Variants in METTL15 observed in about 807,000 individuals in gnomAD.
METTL15 encodes the protein methyltransferase 15, mitochondrial 12S rRNA N4-cytidine.
Under a neutral mutation model 38.3 loss-of-function variants are expected in METTL15, and 34 were observed. The observed-to-expected ratio is 0.89, with a 90% confidence interval of 0.68 to 1.18. The LOEUF is 1.18. Ranked by LOEUF, METTL15 falls within the 50% of genes most tolerant of loss-of-function variation. The pLI is 0.00. For missense variants in METTL15, 438 were observed against 498.4 expected, an observed-to-expected ratio of 0.88 and a Z score of 1.15; for synonymous variants, 162 against 170.9, an observed-to-expected ratio of 0.95 and a Z score of 0.41.
At chr11:28,210,386 G>T (rs1227867859) in intron 3 of METTL15, among the ~76,000 whole-genome samples, 1 of 151,584 alleles carries the variant, frequency 6.6e-6, no homozygotes, top group Non-Finnish European at 1.5e-5. Context: ...TTTAACCGCT[G>T]AAGACACTGG....
At chr11:28,212,110 T>A (rs1852666377) in intron 4 of METTL15, among the ~76,000 whole-genome samples, 1 of 152,084 alleles carries the variant, frequency 6.6e-6, no homozygotes, top group African/African-American at 2.4e-5. Context: ...GAATAGGAAG[T>A]GTAATTCGTC....
At chr11:28,374,973 G>A (rs1013739975) in intron 5 of METTL15, among the ~76,000 whole-genome samples, 2 of 151,628 alleles carry the variant, frequency 1.3e-5, no homozygotes, top group African/African-American at 2.4e-5. Flanking sequence ...TACATTTATT[G>A]ATTTGCATAT....
rs1018234510 is a variant in METTL15, at chr11:28,513,873, A to C, written c.*425-12605A>C. 2.0e-5 allele frequency among the ~76,000 whole-genome samples: 3 copies of C among 152,228 alleles called. No homozygotes were observed. In the East Asian group the frequency reaches 5.8e-4, roughly 29 times the overall value. On this transcript the variant is annotated intron_variant and NMD_transcript_variant, in intron 6 of 7. Transcript: ENST00000532947. ...GGCGGGCCAGGTGTTCTTTGCCCTC[A>C]TTCCGGTAAACCCACAACCTTCTAG...
intron 4 of METTL15, 70 bp from the exon 5 acceptor site, chr11:28,290,136 T>C (rs1297795301): frequency 1.5e-6 from 2 of 1,309,096 alleles, no homozygotes; most frequent in East Asian, 5.0e-5. Context: ...CTCCCTTCCA[T>C]TGATCATAGA....
chr11:28,351,833 G>A (rs1850044186), intron 3 of METTL15, among the ~76,000 whole-genome samples: 1 of 152,198 alleles, frequency 6.6e-6, no homozygotes, highest in Admixed American at 6.5e-5. Flanking sequence ...CTAGGAAGGC[G>A]TTAAAGCCAA....
chr11:28,131,447 G>A (rs1849332248), intron 3 of METTL15, among the ~76,000 whole-genome samples: 1 of 149,784 alleles, frequency 6.7e-6, no homozygotes, highest in Admixed American at 6.6e-5. Context: ...TGTAATTTCA[G>A]CATACTTTCT....
intron 5 of METTL15, among the ~76,000 whole-genome samples, chr11:28,422,711 A>C (rs952374885): frequency 6.6e-6 from 1 of 152,058 alleles, no homozygotes; most frequent in Non-Finnish European, 1.5e-5. Context: ...GGGATTAAAA[A>C]CTTAAATCTA....
chr11:28,476,089 G>T (rs942272662), intron 6 of METTL15, among the ~76,000 whole-genome samples: 18 of 152,164 alleles, frequency 1.2e-4, no homozygotes, highest in Non-Finnish European at 2.9e-5. Context: ...AGTAGACAAA[G>T]AACAGAAAAT....
At chr11:28,372,939 G>C (rs1490091177) in intron 5 of METTL15, among the ~76,000 whole-genome samples, 1 of 150,864 alleles carries the variant, frequency 6.6e-6, no homozygotes, top group African/African-American at 2.4e-5. Context: ...TCCCTACAAA[G>C]GACATGAACT....
At chr11:28,466,866 A>G (rs1156377286) in intron 6 of METTL15, among the ~76,000 whole-genome samples, 1 of 152,212 alleles carries the variant, frequency 6.6e-6, no homozygotes, top group Non-Finnish European at 1.5e-5. Context: ...TTGTCTGGGC[A>G]ACACATGTAG....
At chr11:28,126,260 C>G (rs1852481511) in intron 3 of METTL15, among the ~76,000 whole-genome samples, 2 of 151,904 alleles carry the variant, frequency 1.3e-5, no homozygotes, top group South Asian at 4.2e-4. Flanking sequence ...TGTTTGGTAT[C>G]CTCCTTCCTT....
intron 3 of METTL15, among the ~76,000 whole-genome samples, chr11:28,189,946 G>A (rs1455501322): frequency 6.6e-6 from 1 of 151,200 alleles, no homozygotes; most frequent in African/African-American, 2.4e-5. Context: ...TATTTGCAAT[G>A]CTATTGATTT....
At chr11:28,208,265 C>G (rs977756260) in intron 3 of METTL15, among the ~76,000 whole-genome samples, 1 of 152,126 alleles carries the variant, frequency 6.6e-6, no homozygotes, top group African/African-American at 2.4e-5. Flanking sequence ...AAATTTCCCT[C>G]TATACTCTGC....
At chr11:28,209,961 A>G (rs1852555085) in intron 3 of METTL15, among the ~76,000 whole-genome samples, 2 of 152,132 alleles carry the variant, frequency 1.3e-5, no homozygotes. Flanking sequence ...TATTTTCATA[A>G]CACCAATGAA....
At chr11:28,250,815 A>G in intron 4 of METTL15, among the ~76,000 whole-genome samples, 1 of 152,050 alleles carries the variant, frequency 6.6e-6, no homozygotes, top group East Asian at 1.9e-4. Context: ...CTTGTCAGTA[A>G]CATTCAAAAC....
chr11:28,501,838 A>G (rs10835350), intron 6 of METTL15, among the ~76,000 whole-genome samples: 66,809 of 151,720 alleles, frequency 0.44, 15,368 homozygotes, highest in Admixed American at 0.54. Flanking sequence ...GGTGGCTCAC[A>G]CCTGTAATCC....
chr11:28,379,877 G>A (rs1436408009), intron 5 of METTL15, among the ~76,000 whole-genome samples: 1 of 152,108 alleles, frequency 6.6e-6, no homozygotes, highest in African/African-American at 2.4e-5. Context: ...TTTGTCTTAT[G>A]TATTTGGGTG....
chr11:28,342,429 ATT>A (rs749799326), intron 3 of METTL15, among the ~76,000 whole-genome samples: 6 of 142,708 alleles, frequency 4.2e-5, no homozygotes, highest in Non-Finnish European at 6.2e-5. Context: ...GGCTGGGCTA[ATT>A]TTTTTTTTTT....
At chr11:28,361,604 C>G in intron 4 of METTL15, among the ~76,000 whole-genome samples, 1 of 152,222 alleles carries the variant, frequency 6.6e-6, no homozygotes, top group South Asian at 2.1e-4. Context: ...ATGAGGAGTT[C>G]TAATAAATAT....
Sources: allele counts gnomAD v4.1 joint callset (sites outside exome capture counted in the v4.1 genomes callset), GRCh38; gene constraint gnomAD v4.1.1; transcripts MANE v1.5; gene names NCBI Gene and HGNC (gene_info 2026-07-23, HGNC 2026-07-21).